PKIB: variants seen among roughly 807,000 people sequenced by gnomAD.
PKIB encodes PKI-beta.
In PKIB, 2 loss-of-function variants were observed where a neutral mutation model predicts 4.5. That is an observed-to-expected ratio of 0.44 (90% confidence interval 0.18 to 1.39). The LOEUF (loss-of-function observed/expected upper bound fraction) is 1.39. Among genes scored for constraint, PKIB ranks in the 40% most tolerant of loss-of-function variants. The probability of loss-of-function intolerance (pLI) is 0.27; values close to 1 mark genes in which losing one functional copy is unlikely to be tolerated. For synonymous variants in PKIB, 38 were observed against 36.0 expected (o/e 1.06, Z -0.20); for missense variants, 94 against 92.6 (o/e 1.02, Z -0.06).
intron 2 of PKIB, chr6:122,643,532 T>TGA (rs887331532): frequency 3.3e-5 from 5 of 152,224 alleles, no homozygotes; most frequent in African/African-American, 1.2e-4. Flanking sequence ...TCTCATGTGT[T>TGA]AAGTTTCAAG....
intron 2 of PKIB, among the ~76,000 whole-genome samples, chr6:122,576,710 A>ATATTTT (rs59569106): frequency 6.5e-4 from 72 of 109,988 alleles, no homozygotes; most frequent in East Asian, 1.9e-3. Flanking sequence ...ATATATATAT[A>ATATTTT]TTTTCTTTTG....
intron 2 of PKIB, among the ~76,000 whole-genome samples, chr6:122,553,333 T>C (rs1314625050): frequency 1.3e-5 from 2 of 152,126 alleles, no homozygotes; most frequent in Non-Finnish European, 2.9e-5. Context: ...AACCGCAAAT[T>C]ACTTTTGCAC....
chr6:122,721,128 G>A (rs1015403559), intron 4 of PKIB, among the ~76,000 whole-genome samples: 3 of 152,196 alleles, frequency 2.0e-5, no homozygotes, highest in Non-Finnish European at 2.9e-5. Flanking sequence ...CACAGAATAT[G>A]AGAAGGAAAG....
At chr6:122,553,703 G>A (rs538738968) in intron 2 of PKIB, among the ~76,000 whole-genome samples, 10 of 151,936 alleles carry the variant, frequency 6.6e-5, no homozygotes, top group South Asian at 2.1e-4. Flanking sequence ...ATAAGTGAAC[G>A]TGTTTAATTT....
At chr6:122,641,641 C>G (rs1776125339) in intron 2 of PKIB, among the ~76,000 whole-genome samples, 1 of 152,062 alleles carries the variant, frequency 6.6e-6, no homozygotes, top group African/African-American at 2.4e-5. Context: ...TTCCAGAACC[C>G]TTATACAAGC....
intron 3 of PKIB, among the ~76,000 whole-genome samples, chr6:122,597,116 T>A (rs1774203375): frequency 6.6e-6 from 1 of 152,208 alleles, no homozygotes; most frequent in Non-Finnish European, 1.5e-5. Context: ...TTTAGTAAGA[T>A]TTATTTCTCA....
intron 1 of PKIB, among the ~76,000 whole-genome samples, chr6:122,614,919 G>GC (rs1774923425): frequency 6.6e-6 from 1 of 152,006 alleles, no homozygotes; most frequent in Non-Finnish European, 1.5e-5. Flanking sequence ...AGCTTCTGGA[G>GC]CCAGGTATAA....
chr6:122,560,905 C>T (rs909255065), intron 2 of PKIB, among the ~76,000 whole-genome samples: 6 of 152,012 alleles, frequency 3.9e-5, no homozygotes, highest in East Asian at 1.9e-4. Flanking sequence ...TTTGATTTCT[C>T]AGTGAGGTTA....
chr6:122,714,189 G>T (rs1371431107), intron 3 of PKIB, among the ~76,000 whole-genome samples: 1 of 152,168 alleles, frequency 6.6e-6, no homozygotes, highest in Non-Finnish European at 1.5e-5. Flanking sequence ...TGTAGAAAGT[G>T]CCATCTTCCT....
intron 2 of PKIB, chr6:122,531,401 G>A (rs897951210): frequency 6.6e-6 from 1 of 152,122 alleles, no homozygotes. Flanking sequence ...TTTCATCATT[G>A]TAGTTACCTA....
rs548008809 is a variant in PKIB, at chr6:122,499,483, G to GA, written c.-248+21550dup. ...CCATATGATTGTCTCAGTAGACACA[G>GA]AAAAAATCTCTTGATAAAATCCAGC... is the stretch of plus-strand genomic sequence containing the variant. On this transcript the variant is annotated intron_variant, in intron 2 of 6. Coordinates refer to the PKIB transcript ENST00000392491. Among the ~76,000 whole-genome samples the GA allele has an allele frequency of 2.8e-3, 421 of 152,222 alleles. 1 individual carries two copies. The highest frequency in any genetic ancestry group is 9.7e-3 in the African/African-American group (404 of 41,548).
At chr6:122,619,875 A>G (rs1490595721) in intron 1 of PKIB, among the ~76,000 whole-genome samples, 2 of 152,060 alleles carry the variant, frequency 1.3e-5, no homozygotes, top group Non-Finnish European at 2.9e-5. Context: ...AAACCATTCC[A>G]TCATGCTACC....
chr6:122,701,290 C>G, intron 3 of PKIB: 1 of 625,154 alleles, frequency 1.6e-6, no homozygotes, highest in Non-Finnish European at 2.8e-6. Context: ...CATAGGTGTA[C>G]CATTACAAGC....
intron 2 of PKIB, among the ~76,000 whole-genome samples, chr6:122,654,803 T>A (rs1776703252): frequency 6.6e-6 from 1 of 152,174 alleles, no homozygotes; most frequent in South Asian, 2.1e-4. Flanking sequence ...AATTTTAGTG[T>A]TAGAAAGAGA....
intron 1 of PKIB, among the ~76,000 whole-genome samples, chr6:122,632,878 T>TA (rs112190584): frequency 0.26 from 38,864 of 151,712 alleles, 5,457 homozygotes; most frequent in East Asian, 0.39. Context: ...TTTGAAAATC[T>TA]AAAAAAAAAT....
intron 1 of PKIB, among the ~76,000 whole-genome samples, chr6:122,626,708 G>A (rs1221270413): frequency 6.6e-6 from 1 of 152,130 alleles, no homozygotes; most frequent in East Asian, 1.9e-4. Flanking sequence ...ATGTGGCCAA[G>A]GGATCCAAAC....
intron 2 of PKIB, chr6:122,652,737 G>T (rs573819925): frequency 1.3e-5 from 2 of 152,096 alleles, no homozygotes; most frequent in Non-Finnish European, 2.9e-5. Context: ...CTAATTATCC[G>T]CACAGGCTCT....
At chr6:122,723,071 C>T (rs1327142019) in intron 4 of PKIB, among the ~76,000 whole-genome samples, 1 of 152,172 alleles carries the variant, frequency 6.6e-6, no homozygotes, top group Non-Finnish European at 1.5e-5. Context: ...CTTCCTGCTT[C>T]CCTGGCTGCT....
chr6:122,511,954 G>A lies in PKIB; in HGVS notation c.-248+34015G>A, dbSNP rs114827234. Among the ~76,000 whole-genome samples, 227 of 152,170 alleles carry A rather than the reference G, an allele frequency of 1.5e-3. 1 individual carries two copies. Among genetic ancestry groups the A allele is most frequent in the African/African-American group, 4.9e-3 (205 of 41,530 alleles). ...ACACTGTGTTTACAGATAAGAGAGC[G>A]GATCTCACTCTGAGCATGGGAACAT... On this transcript the variant is annotated intron_variant, in intron 2 of 6. Transcript: ENST00000392491.
Sources: allele counts gnomAD v4.1 joint callset (sites outside exome capture counted in the v4.1 genomes callset), GRCh38; gene constraint gnomAD v4.1.1; transcripts MANE v1.5; gene names NCBI Gene and HGNC (gene_info 2026-07-23, HGNC 2026-07-21).